SV2C: variants seen among roughly 807,000 people sequenced by gnomAD.
The protein encoded by SV2C is synaptic vesicle glycoprotein 2C, also known as solute carrier family 22 member B3.
In SV2C, 49 loss-of-function variants were observed where a neutral mutation model predicts 79.7. That is an observed-to-expected ratio of 0.61 (90% confidence interval 0.49 to 0.78). The LOEUF is 0.78. Ranked by LOEUF, SV2C falls within the 30% of genes least tolerant of loss-of-function variation. SV2C has a pLI of 0.00. For missense variants in SV2C, 833 were observed against 912.9 expected (o/e 0.91, Z 1.13); for synonymous variants, 334 against 333.2 (o/e 1.00, Z -0.03).
the SV2C span, among the ~76,000 whole-genome samples, chr5:75,880,210 G>A: frequency 6.6e-6 from 1 of 151,472 alleles, no homozygotes; most frequent in African/African-American, 2.4e-5. Context: ...CATTTTCTTG[G>A]CTATTAGCAC....
the SV2C span, among the ~76,000 whole-genome samples, chr5:75,955,634 A>G: frequency 1.2e-4 from 17 of 147,746 alleles, no homozygotes; most frequent in South Asian, 4.4e-4. Context: ...GAAAATTTTC[A>G]CAACCTACTC....
At chr5:76,286,532 C>CA (rs924467805) in intron 6 of SV2C, among the ~76,000 whole-genome samples, 46 of 149,426 alleles carry the variant, frequency 3.1e-4, no homozygotes, top group African/African-American at 7.4e-4. Flanking sequence ...TTATTGAAAA[C>CA]AAAAAAAAAC....
chr5:76,107,064 T>G (rs1484638200), intron 1 of SV2C, among the ~76,000 whole-genome samples: 1 of 152,122 alleles, frequency 6.6e-6, no homozygotes, highest in Non-Finnish European at 1.5e-5. Flanking sequence ...TGAGGTAAAG[T>G]AGACCACAAA....
At chr5:75,882,340 G>T in the SV2C span, among the ~76,000 whole-genome samples, 3,596 of 148,784 alleles carry the variant, frequency 0.024, 212 homozygotes, top group African/African-American at 0.087. Context: ...GTAATTTACA[G>T]ATTCAATGCC....
At chr5:76,091,697 T>C (rs901949680) in intron 1 of SV2C, 1 of 141,856 alleles carries the variant, frequency 7.0e-6, no homozygotes, top group African/African-American at 2.6e-5. Context: ...TCTATGAGAC[T>C]TTTTTTTTTT....
the SV2C span, among the ~76,000 whole-genome samples, chr5:75,849,629 A>T: frequency 6.6e-6 from 1 of 152,178 alleles, no homozygotes; most frequent in South Asian, 2.1e-4. Context: ...TGCAAACTGA[A>T]TTTTTCTCTA....
chr5:76,107,626 G>T (rs1402321787), intron 1 of SV2C, among the ~76,000 whole-genome samples: 1 of 152,172 alleles, frequency 6.6e-6, no homozygotes, highest in Non-Finnish European at 1.5e-5. Flanking sequence ...CAGTTTGGGA[G>T]GCCAAGGCAG....
At chr5:75,942,253 C>A in the SV2C span, among the ~76,000 whole-genome samples, 6 of 152,154 alleles carry the variant, frequency 3.9e-5, no homozygotes, top group African/African-American at 7.2e-5. Flanking sequence ...TTAAAATATC[C>A]TTTGTAATAA....
chr5:75,892,568 C>G, the SV2C span, among the ~76,000 whole-genome samples: 965 of 152,126 alleles, frequency 6.3e-3, 6 homozygotes, highest in South Asian at 0.026. Context: ...GGTAGGATTT[C>G]AACACTTGGC....
intron 4 of SV2C, among the ~76,000 whole-genome samples, chr5:76,232,845 T>C (rs1300375583): frequency 7.0e-6 from 1 of 143,650 alleles, no homozygotes; most frequent in Non-Finnish European, 1.5e-5. Flanking sequence ...ACTGTAGCCT[T>C]GTAGCATAGT....
At chr5:76,024,640 A>G in the SV2C span, among the ~76,000 whole-genome samples, 1 of 152,142 alleles carries the variant, frequency 6.6e-6, no homozygotes, top group African/African-American at 2.4e-5. Flanking sequence ...CCCATTTTAT[A>G]GGGTCAATCA....
the SV2C span, among the ~76,000 whole-genome samples, chr5:75,871,636 C>T: frequency 1.3e-5 from 2 of 151,632 alleles, no homozygotes; most frequent in Non-Finnish European, 2.9e-5. Context: ...GGTGAAACGC[C>T]GTCTCTACTA....
the SV2C span, among the ~76,000 whole-genome samples, chr5:76,060,430 T>C: frequency 6.6e-6 from 1 of 152,150 alleles, no homozygotes; most frequent in Non-Finnish European, 1.5e-5. Context: ...ATCAATACTT[T>C]TACTTGCACT....
At chr5:76,063,789 G>T in the SV2C span, among the ~76,000 whole-genome samples, 1 of 152,044 alleles carries the variant, frequency 6.6e-6, no homozygotes, top group African/African-American at 2.4e-5. Flanking sequence ...CAACACCACA[G>T]TTTTATAACC....
intron 2 of SV2C, among the ~76,000 whole-genome samples, chr5:76,156,837 A>G (rs1337214570): frequency 2.6e-5 from 4 of 152,082 alleles, no homozygotes; most frequent in Non-Finnish European, 5.9e-5. Flanking sequence ...GAATTAATGA[A>G]CTAGAAGAAA....
chr5:76,272,961 G>A lies in SV2C; in HGVS notation c.914-12201G>A, dbSNP rs145974644. 4.0e-5 allele frequency among the ~76,000 whole-genome samples: 6 copies of A among 151,792 alleles called. No homozygotes were observed. The East Asian group carries it at 1.2e-3, about 29-fold the overall frequency. ...ACATTTATGTGAGTAAAATAGAGAA[G>A]GAAACTTAATGTGTGCCTATTTGTG... On this transcript the variant is annotated intron_variant, in intron 4 of 12. Transcript: ENST00000502798.
In SV2C at chr5:76,220,675, G is replaced by T. The variant is rs74484606; in HGVS notation, c.913+10788G>T. Among the ~76,000 whole-genome samples the T allele has an allele frequency of 4.3e-3, 640 of 150,466 alleles. 27 individuals carry two copies. In the East Asian group the frequency reaches 0.092, roughly 22 times the overall value. Reference sequence around the variant, plus strand: ...AGAAAGGAAAAGCCAAATTAACAAAGGTATAAGCAAGATATAAGTTTGTTT... The same window carrying T: ...AGAAAGGAAAAGCCAAATTAACAAATGTATAAGCAAGATATAAGTTTGTTT... On this transcript the variant is annotated intron_variant, in intron 4 of 12. Transcript: ENST00000502798.
chr5:75,958,262 T>A, the SV2C span, among the ~76,000 whole-genome samples: 1 of 151,966 alleles, frequency 6.6e-6, no homozygotes, highest in Non-Finnish European at 1.5e-5. Context: ...ATTGTGATGA[T>A]TAATTTTCTG....
intron 2 of SV2C, among the ~76,000 whole-genome samples, chr5:76,187,519 G>A (rs1245603391): frequency 6.6e-6 from 1 of 152,126 alleles, no homozygotes; most frequent in Non-Finnish European, 1.5e-5. Context: ...GCTAAGAAGA[G>A]CTGGCTTTTG....
Sources: allele counts gnomAD v4.1 joint callset (sites outside exome capture counted in the v4.1 genomes callset), GRCh38; gene constraint gnomAD v4.1.1; transcripts MANE v1.5; gene names NCBI Gene and HGNC (gene_info 2026-07-23, HGNC 2026-07-21).